The following PHF20L1 variants were observed in gnomAD, a reference collection of about 807,000 sequenced individuals.
PHF20L1 encodes PHD finger protein 20 like 1.
In PHF20L1, 44 loss-of-function variants were observed where a neutral mutation model predicts 125.5. That is an observed-to-expected ratio of 0.35 (90% CI 0.28 to 0.45). The LOEUF is 0.45. Ranked by LOEUF, PHF20L1 falls within the 20% of genes least tolerant of loss-of-function variation. The pLI, the probability that PHF20L1 is intolerant of heterozygous loss-of-function variation, is 1.00. For missense variants in PHF20L1, 1,012 were observed against 1,217.2 expected, an observed-to-expected ratio of 0.83 and a Z score of 2.51; for synonymous variants, 380 against 403.1, an observed-to-expected ratio of 0.94 and a Z score of 0.69.
intron 2 of PHF20L1, among the ~76,000 whole-genome samples, chr8:132,779,508 G>A (rs1369616810): frequency 1.3e-5 from 2 of 152,150 alleles, no homozygotes; most frequent in Non-Finnish European, 2.9e-5. Context: ...TTACTCTTAA[G>A]TGATTTATTT....
chr8:132,802,318 G>A (rs932773495), intron 6 of PHF20L1, among the ~76,000 whole-genome samples: 1 of 151,190 alleles, frequency 6.6e-6, no homozygotes, highest in Admixed American at 6.6e-5. Flanking sequence ...TTTTCCTTTT[G>A]CTTGGAGTAG....
intron 10 of PHF20L1, chr8:132,815,822 A>T (rs1834917274): frequency 6.6e-6 from 1 of 151,828 alleles, no homozygotes; most frequent in African/African-American, 2.4e-5. Context: ...TGGGAACATA[A>T]TTCAATTGTT....
At chr8:132,834,864 A>G (rs764222092) in intron 15 of PHF20L1, among the ~76,000 whole-genome samples, 2 of 151,974 alleles carry the variant, frequency 1.3e-5, no homozygotes, top group Non-Finnish European at 2.9e-5. Context: ...TTTATTATCT[A>G]TTTCTGCTGA....
intron 2 of PHF20L1, among the ~76,000 whole-genome samples, chr8:132,792,127 A>G (rs1315994663): frequency 1.3e-5 from 2 of 152,126 alleles, no homozygotes; most frequent in Admixed American, 1.3e-4. Context: ...TAAACTCCTT[A>G]TTTTTTTATT....
At chr8:132,787,587 T>A (rs546643269) in intron 2 of PHF20L1, among the ~76,000 whole-genome samples, 11 of 152,274 alleles carry the variant, frequency 7.2e-5, no homozygotes, top group African/African-American at 2.6e-4. Context: ...GTATTAACAT[T>A]GCATTGTGGA....
intron 2 of PHF20L1, among the ~76,000 whole-genome samples, chr8:132,783,930 A>G (rs1442665956): frequency 6.6e-6 from 1 of 152,214 alleles, no homozygotes; most frequent in Non-Finnish European, 1.5e-5. Flanking sequence ...AAATTCTGAG[A>G]TAATTTACAT....
chr8:132,827,862 G>A (rs1836361038), intron 14 of PHF20L1, among the ~76,000 whole-genome samples: 1 of 151,996 alleles, frequency 6.6e-6, no homozygotes, highest in Non-Finnish European at 1.5e-5. Context: ...TTTGTAAATA[G>A]AGTCCTAGTA....
Position 132,846,875 on chromosome 8 carries a change from T to G in PHF20L1, c.*952T>G, listed in dbSNP as rs62514123. The G allele has an allele frequency of 0.033, 5,040 of 152,312 alleles. 119 individuals are homozygous for G. Among genetic ancestry groups the G allele is most frequent in the Non-Finnish European group, 0.054 (3,700 of 67,916 alleles). The allele number at this position is 152,312 out of a possible 1,614,324, so 9.4% of individuals were successfully genotyped here. A position where few individuals can be genotyped will look rare whatever the true frequency, so the allele number is the denominator to read the frequency against. On this transcript the variant is annotated 3_prime_UTR_variant, in exon 21 of 21. Transcript: ENST00000395386. ...AAATAACCTCAGCTGGGATGAGGAG[T>G]GACAGAATATCAAAATAATTTGTGG...
At chr8:132,844,064 T>C in intron 19 of PHF20L1, 92 bp from the exon 20 acceptor site, 1 of 1,551,400 alleles carries the variant, frequency 6.4e-7, no homozygotes, top group African/African-American at 1.4e-5. Context: ...CACTAACTGT[T>C]ACCAGTGATG....
At chr8:132,802,858 GTT>G (rs1833245405) in intron 6 of PHF20L1, among the ~76,000 whole-genome samples, 1 of 151,750 alleles carries the variant, frequency 6.6e-6, no homozygotes, top group Non-Finnish European at 1.5e-5. Flanking sequence ...GAAATTTTTA[GTT>G]GCTTGGACTA....
intron 15 of PHF20L1, among the ~76,000 whole-genome samples, chr8:132,833,470 C>T (rs1837000043): frequency 6.6e-6 from 1 of 152,050 alleles, no homozygotes; most frequent in Non-Finnish European, 1.5e-5. Flanking sequence ...TGGTTCTTCA[C>T]CCCCGGTGAA....
chr8:132,812,224 A>G (rs1834477225), intron 9 of PHF20L1: 1 of 979,796 alleles, frequency 1.0e-6, no homozygotes, highest in Non-Finnish European at 1.2e-6. Flanking sequence ...CGTCCCAGAT[A>G]TAACAATATT....
At chr8:132,792,908 G>A (rs537623631) in intron 2 of PHF20L1, among the ~76,000 whole-genome samples, 10 of 151,252 alleles carry the variant, frequency 6.6e-5, no homozygotes, top group Non-Finnish European at 1.5e-4. Flanking sequence ...AAAGAATGCA[G>A]CCTAACTTTT....
At chr8:132,837,432 A>G (rs1286818654) in intron 16 of PHF20L1, among the ~76,000 whole-genome samples, 1 of 152,162 alleles carries the variant, frequency 6.6e-6, no homozygotes, top group Non-Finnish European at 1.5e-5. Flanking sequence ...ATGATTGCCT[A>G]AATATCAGTG....
intron 14 of PHF20L1, among the ~76,000 whole-genome samples, chr8:132,831,557 A>G (rs919275617): frequency 2.0e-5 from 3 of 152,108 alleles, no homozygotes; most frequent in African/African-American, 7.2e-5. Flanking sequence ...ATCACTGTAT[A>G]ATTGGTGTGC....
intron 9 of PHF20L1, chr8:132,812,657 T>C (rs1834529999): frequency 1.5e-5 from 15 of 985,056 alleles, no homozygotes; most frequent in Non-Finnish European, 1.8e-5. Flanking sequence ...TGTGAAAATG[T>C]TTTGTGAACA....
chr8:132,812,407 G>T (rs551581452), intron 9 of PHF20L1: 2 of 984,948 alleles, frequency 2.0e-6, no homozygotes, highest in South Asian at 9.4e-5. Context: ...AGTGTAGAGG[G>T]CAGTACCCGT....
Position 132,836,548 on chromosome 8 carries a change from G to C in PHF20L1, c.1918G>C (p.Asp640His). Residue 640 changes from aspartate to histidine, a missense_variant, in exon 16 of 21, where the codon GAT (aspartate) becomes CAT (histidine). Asp to His is a moderately conservative substitution (Grantham distance 81, BLOSUM62 -1). Transcript: ENST00000395386. Reference sequence around the variant, plus strand: ...TTTTGTATATATTCTAGACTTATCAGATGTAGACTTCCTAGATGATTCTTC... The same window carrying C: ...TTTTGTATATATTCTAGACTTATCACATGTAGACTTCCTAGATGATTCTTC... Reference protein sequence around the residue: ...SVDLSGENLSDVDFLDDSSTE... With the variant: ...SVDLSGENLSHVDFLDDSSTE... The C allele has an allele frequency of 6.2e-7, 1 of 1,602,184 alleles. No homozygotes were observed. Among genetic ancestry groups the C allele is most frequent in the Non-Finnish European group, 8.5e-7 (1 of 1,169,774 alleles).
intron 6 of PHF20L1, among the ~76,000 whole-genome samples, chr8:132,801,419 G>A (rs1353318997): frequency 6.6e-6 from 1 of 151,690 alleles, no homozygotes; most frequent in East Asian, 1.9e-4. Flanking sequence ...CATTCTGTGC[G>A]AAGTGATTCC....
Sources: gnomAD v4.1 joint callset for allele counts (sites outside exome capture counted in the v4.1 genomes callset) on GRCh38, gnomAD v4.1.1 for gene constraint, MANE v1.5 for transcripts, NCBI Gene and HGNC (gene_info 2026-07-23, HGNC 2026-07-21) for gene names.